The following PPP1R1C variants were observed in gnomAD, a reference collection of about 807,000 sequenced individuals.
The protein encoded by PPP1R1C is protein phosphatase 1 regulatory inhibitor subunit 1C, also known as protein phosphatase 1 regulatory subunit 1C.
Under a neutral mutation model 17.4 loss-of-function variants are expected in PPP1R1C, and 15 were observed. The observed-to-expected ratio is 0.86, with a 90% CI of 0.58 to 1.33. The LOEUF is 1.33. Among genes scored for constraint, PPP1R1C ranks in the 40% most tolerant of loss-of-function variants. The pLI is 0.00. For missense variants in PPP1R1C, 143 were observed against 130.0 expected (o/e 1.10, Z -0.48); for synonymous variants, 35 against 43.1 (o/e 0.81, Z 0.73).
intron 5 of PPP1R1C, among the ~76,000 whole-genome samples, chr2:182,123,789 C>T (rs971834513): frequency 1.3e-5 from 2 of 152,074 alleles, no homozygotes; most frequent in African/African-American, 4.8e-5. Context: ...AAACTTTTCT[C>T]CCATTCTGTA....
At chr2:182,052,666 A>T (rs567462072) in intron 2 of PPP1R1C, among the ~76,000 whole-genome samples, 1 of 152,330 alleles carries the variant, frequency 6.6e-6, no homozygotes, top group Admixed American at 6.5e-5. Context: ...GCAGGCTGCC[A>T]CTTCACTGCT....
chr2:181,980,928 T>TTG (rs1553500224), upstream of PPP1R1C, among the ~76,000 whole-genome samples: 2 of 121,656 alleles, frequency 1.6e-5, no homozygotes, highest in Non-Finnish European at 1.7e-5. Flanking sequence ...TAAGGAGAAG[T>TTG]TTTTTTTTTT....
At chr2:182,018,726 G>A (rs1484069346) in intron 2 of PPP1R1C, among the ~76,000 whole-genome samples, 1 of 152,206 alleles carries the variant, frequency 6.6e-6, no homozygotes, top group Non-Finnish European at 1.5e-5. Flanking sequence ...TGGCATGAAA[G>A]TCAGTTAGGA....
upstream of PPP1R1C, among the ~76,000 whole-genome samples, chr2:181,981,690 T>A (rs981062452): frequency 2.0e-5 from 3 of 152,212 alleles, no homozygotes; most frequent in Non-Finnish European, 4.4e-5. Flanking sequence ...GATAATTCTA[T>A]GAAAGCCCAA....
intron 2 of PPP1R1C, among the ~76,000 whole-genome samples, chr2:182,038,737 G>A (rs1401548958): frequency 6.6e-6 from 1 of 152,172 alleles, no homozygotes; most frequent in Admixed American, 6.5e-5. Context: ...GTGTTTGGCA[G>A]CTGATACAGT....
At position 182,071,706 on chromosome 2, in the gene PPP1R1C, T is replaced by C. The variant is rs141441633; in HGVS notation, c.241+7915T>C. Reference sequence around the variant, plus strand: ...GTTTCTCCTCCTCCATTGATTTATCTGTTCATTTATTTTCATCATTATGGA... The same window carrying C: ...GTTTCTCCTCCTCCATTGATTTATCCGTTCATTTATTTTCATCATTATGGA... On this transcript the variant is annotated intron_variant, in intron 4 of 4. Coordinates refer to ENST00000682840, the MANE Select transcript of PPP1R1C (RefSeq NM_001080545.3). Among the ~76,000 whole-genome samples, 282 of 152,356 alleles carry C rather than the reference T, an allele frequency of 1.9e-3. 1 individual carries two copies. Among genetic ancestry groups the C allele is most frequent in the African/African-American group, 5.9e-3 (247 of 41,588 alleles).
intron 2 of PPP1R1C, among the ~76,000 whole-genome samples, chr2:182,007,811 C>T (rs1685965618): frequency 6.6e-6 from 1 of 152,234 alleles, no homozygotes; most frequent in African/African-American, 2.4e-5. Context: ...GCCTGTAATC[C>T]CAGCACTTTG....
chr2:182,068,683 T>C (rs992320790), intron 4 of PPP1R1C, among the ~76,000 whole-genome samples: 1 of 152,180 alleles, frequency 6.6e-6, no homozygotes, highest in Non-Finnish European at 1.5e-5. Context: ...AACATTCCTG[T>C]AAGAGATACT....
intron 4 of PPP1R1C, among the ~76,000 whole-genome samples, chr2:182,116,554 G>C (rs1689588238): frequency 6.6e-6 from 1 of 152,120 alleles, no homozygotes; most frequent in Admixed American, 6.6e-5. Flanking sequence ...GGGAAAAGTA[G>C]GTTAGTGTTG....
chr2:182,000,382 C>G (rs540115776), intron 2 of PPP1R1C, among the ~76,000 whole-genome samples: 212 of 152,186 alleles, frequency 1.4e-3, no homozygotes, highest in South Asian at 5.0e-3. Context: ...TGTAATCAAT[C>G]TACATGGCTC....
At chr2:182,077,119 T>C (rs1688337110) in intron 4 of PPP1R1C, among the ~76,000 whole-genome samples, 1 of 152,202 alleles carries the variant, frequency 6.6e-6, no homozygotes, top group African/African-American at 2.4e-5. Flanking sequence ...GAATACTCAT[T>C]TGTGTAAATG....
intron 5 of PPP1R1C, among the ~76,000 whole-genome samples, chr2:182,127,637 A>T (rs1689907063): frequency 6.6e-6 from 1 of 151,766 alleles, no homozygotes; most frequent in African/African-American, 2.4e-5. Flanking sequence ...AAGAAGCAAA[A>T]CTTTTTTAGA....
chr2:182,095,214 G>A (rs1005847198), intron 4 of PPP1R1C, among the ~76,000 whole-genome samples: 3 of 151,990 alleles, frequency 2.0e-5, no homozygotes, highest in Non-Finnish European at 2.9e-5. Flanking sequence ...TGGGAGAATC[G>A]CTTGAACCCC....
chr2:182,044,364 C>A (rs558832773), intron 2 of PPP1R1C, among the ~76,000 whole-genome samples: 12 of 152,270 alleles, frequency 7.9e-5, no homozygotes, highest in African/African-American at 2.6e-4. Context: ...TCTGAACTCA[C>A]CCCTGGCATT....
intron 1 of PPP1R1C, among the ~76,000 whole-genome samples, chr2:181,968,587 A>G (rs1356782149): frequency 6.6e-6 from 1 of 151,928 alleles, no homozygotes; most frequent in East Asian, 1.9e-4. Flanking sequence ...GTGTATTTTT[A>G]TAGGTGGAGT....
intron 4 of PPP1R1C, among the ~76,000 whole-genome samples, chr2:182,107,849 C>T (rs939150897): frequency 2.0e-5 from 3 of 152,008 alleles, no homozygotes; most frequent in Non-Finnish European, 2.9e-5. Flanking sequence ...GAGGTCTTCT[C>T]GCCTACCACA....
intron 4 of PPP1R1C, among the ~76,000 whole-genome samples, chr2:182,112,238 C>G (rs544145937): frequency 1.3e-5 from 2 of 152,080 alleles, no homozygotes; most frequent in South Asian, 2.1e-4. Context: ...CAGACTAGAC[C>G]ACAATATTTT....
intron 4 of PPP1R1C, among the ~76,000 whole-genome samples, chr2:182,099,766 T>A (rs544253202): frequency 6.6e-6 from 1 of 152,356 alleles, no homozygotes; most frequent in African/African-American, 2.4e-5. Flanking sequence ...CATGTCAGTA[T>A]CTGATACAGT....
intron 4 of PPP1R1C, among the ~76,000 whole-genome samples, chr2:182,080,701 C>T (rs1688449860): frequency 6.7e-6 from 1 of 149,086 alleles, no homozygotes; most frequent in African/African-American, 2.5e-5. Flanking sequence ...TGACTCATTG[C>T]AGAAAAGGAG....
Sources: allele counts gnomAD v4.1 joint callset (sites outside exome capture counted in the v4.1 genomes callset), GRCh38; gene constraint gnomAD v4.1.1; transcripts MANE v1.5; gene names NCBI Gene and HGNC (gene_info 2026-07-23, HGNC 2026-07-21).